The following NIM1K variants were observed in gnomAD, a reference collection of about 807,000 sequenced individuals.
NIM1K encodes NIM1 serine/threonine protein kinase.
Under a neutral mutation model 37.1 loss-of-function variants are expected in NIM1K, and 35 were observed. The observed-to-expected ratio is 0.94, with a 90% CI of 0.72 to 1.25. NIM1K has a LOEUF of 1.25. NIM1K is among the 50% of genes most tolerant of loss of function. The pLI is 0.00. For missense variants in NIM1K, 564 were observed against 548.0 expected (o/e 1.03, Z -0.29); for synonymous variants, 234 against 206.6 (o/e 1.13, Z -1.14).
rs188837060 is a variant in NIM1K, at chr5:43,206,618, G to T, written c.-695+14207G>T. On this transcript the variant is annotated intron_variant, in intron 1 of 3. Transcript: ENST00000326035. ...AGCAAGTGCTAGTCCTGGCCTCCCT[G>T]GTGCAGCGCACTCCCTGCCTGCTGC... is the stretch of plus-strand genomic sequence containing the variant. The T allele has an allele frequency of 1.0e-3, 658 of 646,696 alleles. 7 individuals carry two copies. Among genetic ancestry groups the T allele is most frequent in the Middle Eastern group, 8.9e-3 (21 of 2,370 alleles). 40.1% of individuals were successfully genotyped at this position (646,696 alleles called of 1,614,324 possible). A position where few individuals can be genotyped will look rare whatever the true frequency, so the allele number is the denominator to read the frequency against.
chr5:43,270,460 A>C (rs1458850217), intron 2 of NIM1K, among the ~76,000 whole-genome samples: 3 of 152,212 alleles, frequency 2.0e-5, no homozygotes, highest in African/African-American at 7.2e-5. Flanking sequence ...GGTGGGAAGG[A>C]CTTGAGGAAA....
At chr5:43,274,195 T>G (rs975453525) in intron 2 of NIM1K, among the ~76,000 whole-genome samples, 1 of 152,088 alleles carries the variant, frequency 6.6e-6, no homozygotes, top group Non-Finnish European at 1.5e-5. Context: ...TAGACCTGGC[T>G]CTGGGAGGGA....
intron 1 of NIM1K, among the ~76,000 whole-genome samples, chr5:43,205,306 TAG>T (rs1268195443): frequency 6.6e-6 from 1 of 152,236 alleles, no homozygotes; most frequent in East Asian, 1.9e-4. Context: ...ATCTATCTTA[TAG>T]AGTTTGTTGT....
intron 1 of NIM1K, chr5:43,207,622 C>A: frequency 3.1e-6 from 2 of 636,352 alleles, no homozygotes; most frequent in Non-Finnish European, 3.0e-6. Flanking sequence ...ATGGGAAATA[C>A]TTTACACAGG....
intron 2 of NIM1K, among the ~76,000 whole-genome samples, chr5:43,268,059 C>T (rs11743187): frequency 0.075 from 11,386 of 152,140 alleles, 571 homozygotes; most frequent in Admixed American, 0.13. Context: ...TGAAGTATCC[C>T]ACTATTATTG....
At chr5:43,263,334 T>A (rs1289661719) in intron 2 of NIM1K, among the ~76,000 whole-genome samples, 2 of 152,172 alleles carry the variant, frequency 1.3e-5, no homozygotes, top group Non-Finnish European at 2.9e-5. Context: ...TGGTTTAGTC[T>A]TGGGAGGGTG....
chr5:43,198,213 CTTTCTTTCTT>C (rs1751958911), intron 1 of NIM1K, among the ~76,000 whole-genome samples: 11 of 83,506 alleles, frequency 1.3e-4, no homozygotes, highest in South Asian at 8.8e-4. Flanking sequence ...CTTTCTCTTT[CTTTCTTTCTT>C]TCTTTCTTTC....
intron 2 of NIM1K, among the ~76,000 whole-genome samples, chr5:43,261,450 C>T (rs145130932): frequency 0.02 from 3,065 of 151,940 alleles, 102 homozygotes; most frequent in African/African-American, 0.07. Flanking sequence ...CTTTTTGATG[C>T]GGTTGCTTGT....
chr5:43,269,587 TTG>T (rs35069343), intron 2 of NIM1K, among the ~76,000 whole-genome samples: 33,211 of 150,942 alleles, frequency 0.22, 3,730 homozygotes, highest in African/African-American at 0.25. Context: ...CTGGATCCTT[TTG>T]TGTGTGTGTG....
chr5:43,251,136 A>G (rs1752861158), intron 2 of NIM1K, among the ~76,000 whole-genome samples: 1 of 152,262 alleles, frequency 6.6e-6, no homozygotes, highest in African/African-American at 2.4e-5. Context: ...CTTATTTCAA[A>G]AAGGTATTTA....
intron 2 of NIM1K, among the ~76,000 whole-genome samples, chr5:43,258,072 G>A (rs1173942203): frequency 6.6e-5 from 10 of 152,160 alleles, no homozygotes; most frequent in Non-Finnish European, 7.3e-5. Flanking sequence ...TACTCAGAGC[G>A]CTGCCCTCCA....
chr5:43,243,858 T>C (rs546353253), intron 1 of NIM1K, among the ~76,000 whole-genome samples: 157 of 152,152 alleles, frequency 1.0e-3, no homozygotes, highest in South Asian at 2.5e-3. Context: ...CACACCCTGC[T>C]AGGAGGTACA....
In NIM1K at chr5:43,234,900, G is replaced by T. The variant is rs139275430; in HGVS notation, c.-694-10182G>T. 6.8e-3 allele frequency among the ~76,000 whole-genome samples: 1,041 copies of T among 152,236 alleles called. 5 individuals carry two copies. The highest frequency in any genetic ancestry group is 0.014 in the Middle Eastern group (4 of 294). On this transcript the variant is annotated intron_variant, in intron 1 of 3. Coordinates refer to ENST00000326035, the MANE Select transcript of NIM1K (RefSeq NM_153361.4). ...TCTGCCCACCTTGGCCTCCCAAAGT[G>T]CTGGGATTATGGGCATGAGCCACCA...
At chr5:43,226,028 C>T (rs1752452152) in intron 1 of NIM1K, among the ~76,000 whole-genome samples, 1 of 152,108 alleles carries the variant, frequency 6.6e-6, no homozygotes, top group African/African-American at 2.4e-5. Context: ...CTTAAAGGAG[C>T]AGTAGGAATT....
intron 2 of NIM1K, among the ~76,000 whole-genome samples, chr5:43,272,690 T>C (rs1178321067): frequency 6.6e-6 from 1 of 152,218 alleles, no homozygotes; most frequent in Non-Finnish European, 1.5e-5. Context: ...CTTGGTCCTG[T>C]AGACGTATTT....
At chr5:43,263,805 A>T (rs1324783041) in intron 2 of NIM1K, among the ~76,000 whole-genome samples, 1 of 152,132 alleles carries the variant, frequency 6.6e-6, no homozygotes, top group African/African-American at 2.4e-5. Context: ...TATCCCAGAG[A>T]TTCTGGTACG....
intron 2 of NIM1K, among the ~76,000 whole-genome samples, chr5:43,268,965 CT>C (rs200654982): frequency 1.3e-5 from 2 of 151,262 alleles, no homozygotes; most frequent in South Asian, 2.1e-4. Flanking sequence ...TTGTCTTTTT[CT>C]TTTTTTTAAC....
chr5:43,217,708 A>ATTTTTTTTTTTTTTTTTTTTTTTTTTT (rs71608698), intron 1 of NIM1K, among the ~76,000 whole-genome samples: 1 of 93,648 alleles, frequency 1.1e-5, no homozygotes, highest in African/African-American at 4.3e-5. Flanking sequence ...TCCTCTGTCT[A>ATTTTTTTTTTTTTTTTTTTTTTTTTTT]TTTTTTTTTT....
intron 2 of NIM1K, among the ~76,000 whole-genome samples, chr5:43,251,433 T>C (rs988100020): frequency 1.3e-5 from 2 of 152,196 alleles, no homozygotes; most frequent in Non-Finnish European, 2.9e-5. Flanking sequence ...AAGGTTCCAC[T>C]TTGGGAAGCA....
Sources: gnomAD v4.1 joint callset for allele counts (sites outside exome capture counted in the v4.1 genomes callset) on GRCh38, gnomAD v4.1.1 for gene constraint, MANE v1.5 for transcripts, NCBI Gene and HGNC (gene_info 2026-07-23, HGNC 2026-07-21) for gene names.